The following NECAB1 variants were observed in gnomAD, a reference collection of about 807,000 sequenced individuals.
NECAB1 encodes the protein N-terminal EF-hand calcium-binding protein 1.
Under a neutral mutation model 57.5 loss-of-function variants are expected in NECAB1, and 29 were observed. That is an observed-to-expected ratio of 0.50 (90% CI 0.38 to 0.69). The LOEUF is 0.69. Ranked by LOEUF, NECAB1 falls within the 30% of genes least tolerant of loss-of-function variation. The pLI is 0.00. For synonymous variants in NECAB1, 142 were observed against 147.7 expected (o/e 0.96, Z 0.28); for missense variants, 372 against 413.8 (o/e 0.90, Z 0.88).
intron 1 of NECAB1, among the ~76,000 whole-genome samples, chr8:90,800,860 C>G (rs922473129): frequency 3.3e-5 from 5 of 152,084 alleles, no homozygotes; most frequent in African/African-American, 1.2e-4. Flanking sequence ...AAGTGCCCTG[C>G]CCAACACTGG....
In NECAB1 at chr8:90,824,788, C is replaced by A; in HGVS notation, c.196C>A (p.His66Asn). 6.4e-7 allele frequency: 1 copy of A among 1,551,604 alleles called. No individual in the cohort carries two copies. Among genetic ancestry groups the A allele is most frequent in the Non-Finnish European group, 8.7e-7 (1 of 1,145,548 alleles). ...TGGTGTTCTCAGTGGAGAAGAATTA[C>A]ACGAGCTTTTCCATACCATTGATAC... ...ADGVLSGEEL[H>N]ELFHTIDTHN... The change falls in exon 3 of 13, where the codon CAC becomes AAC. Residue 66 changes from histidine (H) to asparagine (N), a missense_variant. By Grantham distance (68) the His-to-Asn change is moderately conservative. Coordinates refer to ENST00000417640, the MANE Select transcript of NECAB1 (RefSeq NM_022351.5).
chr8:90,917,870 A>ATATATATATATATATATATATTTGTG, intron 6 of NECAB1, among the ~76,000 whole-genome samples: 1 of 64,344 alleles, frequency 1.6e-5, no homozygotes, highest in Admixed American at 2.0e-4. Flanking sequence ...ATATATATAT[A>ATATATATATATATATATATATTTGTG]TGTGTGTGTG....
intron 10 of NECAB1, among the ~76,000 whole-genome samples, chr8:90,946,775 G>T (rs187721885): frequency 2.6e-4 from 39 of 152,228 alleles, no homozygotes; most frequent in African/African-American, 8.9e-4. Flanking sequence ...ACTTCCCCTT[G>T]CATCTCACTG....
Position 90,959,018 on chromosome 8 carries a change from TTTGG to T in NECAB1, c.*3510_*3513del, listed in dbSNP as rs1396124500. The stretch of plus-strand genomic sequence containing the variant: ...CTGTTCTTAAAATGCTACTTAAAAC[TTTGG>T]TTGTTTTCCTGTAATATAAAAGAAA... On this transcript the variant is annotated 3_prime_UTR_variant, in exon 13 of 13. Transcript: ENST00000417640. 1.1e-5 allele frequency: 16 copies of T among 1,403,070 alleles called. No homozygotes were observed. Among genetic ancestry groups the T allele is most frequent in the African/African-American group, 1.5e-5 (1 of 68,068 alleles). 86.9% of individuals were successfully genotyped at this position (1,403,070 alleles called of 1,614,324 possible). A position where few individuals can be genotyped will look rare whatever the true frequency, so the allele number is the denominator to read the frequency against.
At chr8:90,900,984 G>C (rs539154668) in intron 5 of NECAB1, among the ~76,000 whole-genome samples, 1 of 152,286 alleles carries the variant, frequency 6.6e-6, no homozygotes, top group East Asian at 1.9e-4. Context: ...GTAAAAAATA[G>C]ACTGAGGCAG....
At chr8:90,933,055 A>G (rs942537955) in intron 8 of NECAB1, among the ~76,000 whole-genome samples, 1 of 152,210 alleles carries the variant, frequency 6.6e-6, no homozygotes, top group African/African-American at 2.4e-5. Context: ...AAGAAAGGCC[A>G]TAATAAAAAA....
intron 9 of NECAB1, among the ~76,000 whole-genome samples, chr8:90,934,962 A>G (rs1810500033): frequency 6.6e-6 from 1 of 152,170 alleles, no homozygotes; most frequent in African/African-American, 2.4e-5. Context: ...AGCAGTACAT[A>G]CCAAGCTTTA....
intron 2 of NECAB1, among the ~76,000 whole-genome samples, chr8:90,820,130 G>A (rs1222043162): frequency 1.3e-5 from 2 of 151,888 alleles, no homozygotes; most frequent in Non-Finnish European, 2.9e-5. Context: ...CAAATAAGCA[G>A]GTCTTAGCTG....
At chr8:90,917,904 G>GTA (rs1211409597) in intron 6 of NECAB1, among the ~76,000 whole-genome samples, 6 of 118,426 alleles carry the variant, frequency 5.1e-5, no homozygotes, top group South Asian at 5.1e-4. Flanking sequence ...ATGTCTGTGT[G>GTA]TATATATATA....
At chr8:90,929,381 C>G (rs1810352649) in intron 8 of NECAB1, among the ~76,000 whole-genome samples, 1 of 152,092 alleles carries the variant, frequency 6.6e-6, no homozygotes, top group African/African-American at 2.4e-5. Flanking sequence ...AGAGAGTTTT[C>G]TGGAAGAATA....
Position 90,914,096 on chromosome 8 carries a change from C to G in NECAB1, c.358-3396C>G, listed in dbSNP as rs543361543. Among the ~76,000 whole-genome samples the G allele has an allele frequency of 3.3e-5, 5 of 152,292 alleles. No homozygotes were observed. The South Asian group carries it at 1.0e-3, about 32-fold the overall frequency. The stretch of plus-strand genomic sequence containing the variant: ...TGACTCTCCATGTGGGACCCGGTTT[C>G]TCACACATTTCTTAAGCATTTATGG... On this transcript the variant is annotated intron_variant, in intron 5 of 12. Coordinates refer to ENST00000417640, the MANE Select transcript of NECAB1 (RefSeq NM_022351.5).
chr8:90,802,313 C>A (rs1352655696), intron 2 of NECAB1, among the ~76,000 whole-genome samples: 1 of 152,188 alleles, frequency 6.6e-6, no homozygotes, highest in Non-Finnish European at 1.5e-5. Context: ...GAGATGGCAA[C>A]CTCGAAGTAA....
At chr8:90,945,533 T>C (rs897884331) in intron 10 of NECAB1, among the ~76,000 whole-genome samples, 2 of 152,084 alleles carry the variant, frequency 1.3e-5, no homozygotes, top group South Asian at 4.1e-4. Flanking sequence ...CGAAATAAAT[T>C]AGTGACCCAC....
At chr8:90,832,679 T>TA (rs984877318) in intron 3 of NECAB1, among the ~76,000 whole-genome samples, 4 of 152,078 alleles carry the variant, frequency 2.6e-5, no homozygotes, top group Non-Finnish European at 5.9e-5. Flanking sequence ...ATTTAATCTT[T>TA]AAAAAAACCA....
intron 10 of NECAB1, 102 bp from the exon 11 acceptor site, chr8:90,949,705 A>G (rs1810887515): frequency 3.9e-6 from 2 of 516,346 alleles, no homozygotes; most frequent in Non-Finnish European, 6.8e-6. Context: ...TGTTTCCTCT[A>G]TTAATGGATA....
Position 90,925,686 on chromosome 8 carries a change from T to C in NECAB1, c.616+30T>C, listed in dbSNP as rs778196642. The stretch of plus-strand genomic sequence containing the variant: ...CATACCCTTCATTTGTTTTTATTTG[T>C]CAAAGTCTATTTATCTTGCGTTTTC... On this transcript the variant is annotated intron_variant, in intron 7 of 12. Transcript: ENST00000417640. 1.2e-5 allele frequency: 19 copies of C among 1,611,942 alleles called. No homozygotes were observed. The Admixed American group carries it at 2.8e-4, about 24-fold the overall frequency.
At chr8:90,813,629 G>C (rs1812008905) in intron 2 of NECAB1, among the ~76,000 whole-genome samples, 1 of 152,074 alleles carries the variant, frequency 6.6e-6, no homozygotes, top group African/African-American at 2.4e-5. Flanking sequence ...CTGGGTTCAA[G>C]TGATCCTCCT....
chr8:90,857,075 T>C (rs1338912346), intron 3 of NECAB1, among the ~76,000 whole-genome samples: 1 of 152,186 alleles, frequency 6.6e-6, no homozygotes, highest in Non-Finnish European at 1.5e-5. Flanking sequence ...ATAAACTTTT[T>C]ATCAGAAAAT....
intron 5 of NECAB1, among the ~76,000 whole-genome samples, chr8:90,903,289 G>C (rs984300629): frequency 8.6e-5 from 13 of 152,024 alleles, no homozygotes; most frequent in African/African-American, 3.1e-4. Context: ...ATTTTATGTT[G>C]CCAATCTGTA....
Sources: gnomAD v4.1 joint callset for allele counts (sites outside exome capture counted in the v4.1 genomes callset) on GRCh38, gnomAD v4.1.1 for gene constraint, MANE v1.5 for transcripts, NCBI Gene and HGNC (gene_info 2026-07-23, HGNC 2026-07-21) for gene names.